The following ZNF546 variants were observed in gnomAD, a reference collection of about 807,000 sequenced individuals.
ZNF546 encodes the protein CTC-471F3.6.
ZNF546 carries 60 observed loss-of-function variants against 76.2 expected under a neutral mutation model. The observed-to-expected ratio is 0.79, with a 90% CI of 0.64 to 0.98. The LOEUF is 0.98. Among genes scored for constraint, ZNF546 ranks in the 50% least tolerant of loss-of-function variants. The pLI, the probability that ZNF546 is intolerant of heterozygous loss-of-function variation, is 0.00. For missense variants in ZNF546, 936 were observed against 1,035.6 expected, an observed-to-expected ratio of 0.90 and a Z score of 1.32; for synonymous variants, 277 against 328.1, an observed-to-expected ratio of 0.84 and a Z score of 1.68.
chr19:40,011,583 T>C (rs79165115), intron 6 of ZNF546, among the ~76,000 whole-genome samples: 9 of 152,324 alleles, frequency 5.9e-5, no homozygotes, highest in Non-Finnish European at 8.8e-5. Context: ...ACACAAACTC[T>C]TCCAGAAACT....
rs1395807554 is a variant in ZNF546, at chr19:40,015,375, T to G, written c.2105T>G (p.Phe702Cys). 1 of 1,614,222 alleles carries G rather than the reference T, an allele frequency of 6.2e-7. No individual in the cohort carries two copies. The highest frequency in any genetic ancestry group is 8.5e-7 in the Non-Finnish European group (1 of 1,180,036). The change falls in exon 7 of 7, where the codon TTT becomes TGT. Residue 702 changes from phenylalanine (F) to cysteine (C), a missense_variant. Coordinates refer to ENST00000347077, the MANE Select transcript of ZNF546 (RefSeq NM_178544.5). ...ATATGTAATGAATGTGGGAATGCTT[T>G]TATTTGCAGTTATCGACTTACATTA... ...PYICNECGNA[F>C]ICSYRLTLHQ...
In ZNF546 at chr19:40,016,908, T is replaced by C. The variant is rs552811297; in HGVS notation, c.*1127T>C. Reference sequence around the variant, plus strand: ...TTGGTTTTTAAAATGGTAATAACAGTACCACCTAATAGTATTTTTGTGAGG... The same window carrying C: ...TTGGTTTTTAAAATGGTAATAACAGCACCACCTAATAGTATTTTTGTGAGG... On this transcript the variant is annotated 3_prime_UTR_variant, in exon 7 of 7. Coordinates refer to ENST00000347077, the MANE Select transcript of ZNF546 (RefSeq NM_178544.5). 3.9e-5 allele frequency: 6 copies of C among 152,194 alleles called. No homozygotes were observed. The highest frequency in any genetic ancestry group is 8.8e-5 in the Non-Finnish European group (6 of 68,026). 9.4% of individuals were successfully genotyped at this position (152,194 alleles called of 1,614,324 possible).
intron 5 of ZNF546, among the ~76,000 whole-genome samples, chr19:40,008,185 T>TA (rs1971628766): frequency 6.6e-6 from 1 of 152,242 alleles, no homozygotes; most frequent in Admixed American, 6.5e-5. Flanking sequence ...ACCCAGGCCA[T>TA]AGGGCTCCAG....
chr19:40,010,382 G>GACC (rs1971656411), intron 6 of ZNF546, among the ~76,000 whole-genome samples: 1 of 149,996 alleles, frequency 6.7e-6, no homozygotes. Flanking sequence ...CAGCCTGGGT[G>GACC]ACAGACCAAG....
At position 40,014,020 on chromosome 19, in the gene ZNF546, T is replaced by C. The variant is rs376664192; in HGVS notation, c.750T>C (p.Cys250=). The stretch of plus-strand genomic sequence containing the variant: ...AGAGACCCTATAAATGTATGGAATG[T>C]GGAAAGGCCTTTTGTCGAGTGGGAG... ...TGERPYKCME[C]GKAFCRVGDL... The change falls in exon 7 of 7, where the codon TGT becomes TGC. Residue 250 remains cysteine (C), a synonymous_variant. Transcript: ENST00000347077. 3.7e-6 allele frequency: 6 copies of C among 1,612,134 alleles called. No homozygotes were observed. The African/African-American group carries it at 8.0e-5, about 22-fold the overall frequency.
Position 40,016,510 on chromosome 19 carries a change from ACT to A in ZNF546, c.*732_*733del, listed in dbSNP as rs1291173275. The A allele has an allele frequency of 6.6e-6, 1 of 152,166 alleles. No individual in the cohort carries two copies. The highest frequency in any genetic ancestry group is 1.5e-5 in the Non-Finnish European group (1 of 68,026). The allele number at this position is 152,166 out of a possible 1,614,324, so 9.4% of individuals were successfully genotyped here. A position where few individuals can be genotyped will look rare whatever the true frequency, so the allele number is the denominator to read the frequency against. Reference sequence around the variant, plus strand: ...ACTCTAGCTTGGGCAACAGAGCAAGACTCTGTCTCTTAAATAAATAAATAAAT... The same window carrying A: ...ACTCTAGCTTGGGCAACAGAGCAAGACTGTCTCTTAAATAAATAAATAAAT... On this transcript the variant is annotated 3_prime_UTR_variant, in exon 7 of 7. Transcript: ENST00000347077.
chr19:40,014,115 T>G lies in ZNF546; in HGVS notation c.845T>G (p.Phe282Cys), dbSNP rs370168021. ...GAATGTAAAGAATGTGGGAAGGCCT[T>G]TAGACTTCATTATCACCTTACTGAA... ...PYECKECGKA[F>C]RLHYHLTEHQ... is the part of the protein sequence containing the mutation. The change falls in exon 7 of 7, where the codon TTT (phenylalanine) becomes TGT (cysteine). Residue 282 changes from phenylalanine to cysteine, a missense_variant. Transcript: ENST00000347077. The G allele has an allele frequency of 8.1e-6, 13 of 1,613,986 alleles. No homozygotes were observed. The African/African-American group carries it at 1.7e-4, about 22-fold the overall frequency.
Position 40,016,088 on chromosome 19 carries a change from T to G in ZNF546, c.*307T>G. 3.1e-6 allele frequency: 1 copy of G among 327,402 alleles called. No homozygotes were observed. The highest frequency in any genetic ancestry group is 5.7e-6 in the Non-Finnish European group (1 of 174,574). 20.3% of individuals were successfully genotyped at this position (327,402 alleles called of 1,614,324 possible). A position where few individuals can be genotyped will look rare whatever the true frequency, so the allele number is the denominator to read the frequency against. ...CAGGTGAAGTGGCTCACACCTGTAA[T>G]CCCAGCACTGTGGAAAGACAGGAGT... On this transcript the variant is annotated 3_prime_UTR_variant, in exon 7 of 7. Coordinates refer to ENST00000347077, the MANE Select transcript of ZNF546 (RefSeq NM_178544.5).
Position 39,998,242 on chromosome 19 carries a change from T to TG in ZNF546, c.-79-6_-79-5insG. 9.3e-7 allele frequency: 1 copy of TG among 1,074,326 alleles called. No individual in the cohort carries two copies. Among genetic ancestry groups the TG allele is most frequent in the Non-Finnish European group, 1.4e-6 (1 of 714,404 alleles). 66.5% of individuals were successfully genotyped at this position (1,074,326 alleles called of 1,614,324 possible). ...AAATAAATGCATAAAATGTTTTTGTTTTTAGGAAATGGAAACATTGCTTTG... is the reference window on the plus strand; with the variant it reads ...AAATAAATGCATAAAATGTTTTTGTTGTTTAGGAAATGGAAACATTGCTTTG... On this transcript the variant is annotated splice_region_variant and splice_polypyrimidine_tract_variant and intron_variant, in intron 2 of 6. Coordinates refer to ENST00000347077, the MANE Select transcript of ZNF546 (RefSeq NM_178544.5).
chr19:40,009,542 A>G (rs1039977197), intron 6 of ZNF546, among the ~76,000 whole-genome samples: 4 of 152,254 alleles, frequency 2.6e-5, no homozygotes, highest in Non-Finnish European at 5.9e-5. Flanking sequence ...AACTGCACAC[A>G]TTTAAAGTAT....
chr19:40,005,764 CTG>C (rs933082453), intron 3 of ZNF546, among the ~76,000 whole-genome samples: 1 of 151,904 alleles, frequency 6.6e-6, no homozygotes, highest in African/African-American at 2.4e-5. Flanking sequence ...CTCTTACTAA[CTG>C]TGAATTTGGG....
At chr19:40,013,628 G>A (rs774496649) in intron 6 of ZNF546, 37 bp from the exon 7 acceptor site, 2 of 1,406,882 alleles carry the variant, frequency 1.4e-6, no homozygotes, top group South Asian at 1.5e-5. Context: ...TATAGCATTT[G>A]TTTACTCTTT....
At chr19:40,011,699 T>C (rs1392489617) in intron 6 of ZNF546, among the ~76,000 whole-genome samples, 2 of 152,226 alleles carry the variant, frequency 1.3e-5, no homozygotes, top group Admixed American at 1.3e-4. Context: ...AGTCAGTATC[T>C]TTCATGTACA....
chr19:40,001,225 C>G (rs1971525339), intron 3 of ZNF546, among the ~76,000 whole-genome samples: 1 of 152,162 alleles, frequency 6.6e-6, no homozygotes, highest in Admixed American at 6.5e-5. Context: ...CTGTGTGGCA[C>G]AGTTCCTAAC....
intron 3 of ZNF546, 190 bp downstream of exon 3, chr19:39,998,600 T>A (rs756131693): frequency 1.1e-4 from 62 of 552,702 alleles, no homozygotes; most frequent in Non-Finnish European, 1.7e-4. Context: ...TTTAAGGCTT[T>A]TAGAAGTGGG....
At position 40,005,164 on chromosome 19, in the gene ZNF546, A is replaced by G. The variant is rs550303701; in HGVS notation, c.85-932A>G. 5.9e-5 allele frequency among the ~76,000 whole-genome samples: 9 copies of G among 151,946 alleles called. No homozygotes were observed. In the East Asian group the frequency reaches 1.7e-3, roughly 29 times the overall value. ...CTCCTAAGCAGCTGGGATTACAGGCATGTGCCACCATGCCTAGCTAATTTT... is the reference window on the plus strand; with the variant it reads ...CTCCTAAGCAGCTGGGATTACAGGCGTGTGCCACCATGCCTAGCTAATTTT... On this transcript the variant is annotated intron_variant, in intron 3 of 6. Transcript: ENST00000347077.
At chr19:40,001,398 T>C (rs1971527973) in intron 3 of ZNF546, among the ~76,000 whole-genome samples, 1 of 152,024 alleles carries the variant, frequency 6.6e-6, no homozygotes, top group Admixed American at 6.5e-5. Context: ...AGTCTCACTC[T>C]GTTGCCCTGG....
At chr19:40,010,248 C>T (rs1485992311) in intron 6 of ZNF546, among the ~76,000 whole-genome samples, 1 of 151,866 alleles carries the variant, frequency 6.6e-6, no homozygotes, top group East Asian at 1.9e-4. Context: ...ACTAAAAATA[C>T]AAAAATTAGC....
Position 40,006,091 on chromosome 19 carries a change from C to T in ZNF546, c.85-5C>T. On this transcript the variant is annotated splice_polypyrimidine_tract_variant and splice_region_variant and intron_variant, in intron 3 of 6. Coordinates refer to ENST00000347077, the MANE Select transcript of ZNF546 (RefSeq NM_178544.5). ...GGTCTCAGAGTCACTTGTTCTTCCC[C>T]CCAGCCCCGGTTTCTCTGGATTCTG... The T allele has an allele frequency of 2.5e-6, 4 of 1,613,730 alleles. No homozygotes were observed. The highest frequency in any genetic ancestry group is 3.4e-6 in the Non-Finnish European group (4 of 1,179,796).
Sources: allele counts gnomAD v4.1 joint callset (sites outside exome capture counted in the v4.1 genomes callset), GRCh38; gene constraint gnomAD v4.1.1; transcripts MANE v1.5; gene names NCBI Gene and HGNC (gene_info 2026-07-23, HGNC 2026-07-21).